Variants in RNF185 observed in about 807,000 individuals in gnomAD.
RNF185 encodes the protein ring finger protein 185.
RNF185 carries 13 observed loss-of-function variants against 24.9 expected under a neutral mutation model. That is an observed-to-expected ratio of 0.52 (90% CI 0.34 to 0.83). The LOEUF (loss-of-function observed/expected upper bound fraction) is 0.83, where lower values mean the gene tolerates loss of function less well. Ranked by LOEUF, RNF185 falls within the 40% of genes least tolerant of loss-of-function variation. The pLI, the probability that RNF185 is intolerant of heterozygous loss-of-function variation, is 0.01. For missense variants in RNF185, 184 were observed against 244.7 expected (o/e 0.75, Z 1.65); for synonymous variants, 79 against 90.3 (o/e 0.88, Z 0.71).
chr22:31,188,571 A>G (rs1279090389), intron 2 of RNF185, among the ~76,000 whole-genome samples: 1 of 152,174 alleles, frequency 6.6e-6, no homozygotes, highest in African/African-American at 2.4e-5. Context: ...TCACACCTGT[A>G]ATCCAAACAC....
chr22:31,184,033 G>A (rs1183844980), intron 1 of RNF185, among the ~76,000 whole-genome samples: 7 of 149,052 alleles, frequency 4.7e-5, no homozygotes, highest in South Asian at 2.1e-4. Flanking sequence ...CCCACCTCCC[G>A]GACGGGGCGG....
rs553931141 is a variant in RNF185 at position 31,197,189 on chromosome 22, C to T, written c.363+199C>T. ...ACTGGAAACATTTTGGTTCTATTTT[C>T]TTTTCCATTTTTCTATAATTATATA... On this transcript the variant is annotated intron_variant, in intron 5 of 6. Transcript: ENST00000326132. 35 of 625,616 alleles carry T rather than the reference C, an allele frequency of 5.6e-5. No individual in the cohort carries two copies. In the East Asian group the frequency reaches 1.2e-3, roughly 21 times the overall value. 38.8% of individuals were successfully genotyped at this position (625,616 alleles called of 1,614,324 possible).
At chr22:31,198,229 C>T (rs2048225454) in intron 5 of RNF185, among the ~76,000 whole-genome samples, 1 of 151,918 alleles carries the variant, frequency 6.6e-6, no homozygotes, top group Admixed American at 6.6e-5. Flanking sequence ...ATTTAGGCTG[C>T]CATTTATCCT....
At chr22:31,185,146 CT>C (rs2048086716) in intron 1 of RNF185, among the ~76,000 whole-genome samples, 1 of 151,954 alleles carries the variant, frequency 6.6e-6, no homozygotes, top group Admixed American at 6.6e-5. Flanking sequence ...GAGAGAAGGT[CT>C]TGGAGCCGAG....
chr22:31,186,280 C>G (rs995618193), intron 1 of RNF185, among the ~76,000 whole-genome samples: 1 of 152,090 alleles, frequency 6.6e-6, no homozygotes, highest in African/African-American at 2.4e-5. Context: ...GCTTCCTATC[C>G]TTTCATAGTT....
intron 1 of RNF185, among the ~76,000 whole-genome samples, chr22:31,162,211 G>A (rs944651664): frequency 1.3e-5 from 2 of 152,196 alleles, no homozygotes; most frequent in South Asian, 2.1e-4. Context: ...ACAAAAGTTA[G>A]GGTTGAGCCA....
At chr22:31,198,423 A>T in intron 5 of RNF185, among the ~76,000 whole-genome samples, 1 of 125,812 alleles carries the variant, frequency 7.9e-6, no homozygotes, top group East Asian at 2.3e-4. Context: ...TTTTGAGATG[A>T]AGTTTCACTC....
chr22:31,195,127 A>AT lies in RNF185; in HGVS notation c.196-337dup, dbSNP rs528409369. On this transcript the variant is annotated intron_variant, in intron 3 of 6. Transcript: ENST00000326132. ...GCCACCATGTCTGGCTAATTTTTGT[A>AT]TTTTTAGTAGAGACGGGGTTTCACC... Among the ~76,000 whole-genome samples, 996 of 151,862 alleles carry AT rather than the reference A, an allele frequency of 6.6e-3. 10 individuals carry two copies. Among genetic ancestry groups the AT allele is most frequent in the African/African-American group, 0.023 (964 of 41,390 alleles).
rs1280699356 is a variant in RNF185 at position 31,180,911 on chromosome 22, CTCTCTGTGTGTGTG to C, written c.-48-6134_-48-6121del. ...TGTATTTTCTAGGCATTTTCTCTCT[CTCTCTGTGTGTGTG>C]TGTGTGTGTGTGTGTGTGTGTGTGT... is the stretch of plus-strand genomic sequence containing the variant. On this transcript the variant is annotated intron_variant, in intron 1 of 6. Coordinates refer to ENST00000326132, the MANE Select transcript of RNF185 (RefSeq NM_152267.4). Among the ~76,000 whole-genome samples, 442 of 124,530 alleles carry C rather than the reference CTCTCTGTGTGTGTG, an allele frequency of 3.5e-3. 2 individuals carry two copies. The highest frequency in any genetic ancestry group is 0.01 in the African/African-American group (344 of 34,180). The allele number at this position is 124,530 out of a possible 152,430, so 81.7% of individuals were successfully genotyped here.
chr22:31,206,104 G>A lies in RNF185; in HGVS notation c.*1518G>A, dbSNP rs370647763. The A allele has an allele frequency of 5.0e-4, 77 of 154,664 alleles. No individual in the cohort carries two copies. The highest frequency in any genetic ancestry group is 1.9e-3 in the African/African-American group (77 of 41,574). 9.6% of individuals were successfully genotyped at this position (154,664 alleles called of 1,614,324 possible). A position where few individuals can be genotyped will look rare whatever the true frequency, so the allele number is the denominator to read the frequency against. On this transcript the variant is annotated 3_prime_UTR_variant, in exon 7 of 7. Transcript: ENST00000326132. Reference sequence around the variant, plus strand: ...CTAACCCCAGCAATAACCAACAAATGGTAGGAAGCCCCATCTATTGCTTTT... The same window carrying A: ...CTAACCCCAGCAATAACCAACAAATAGTAGGAAGCCCCATCTATTGCTTTT...
rs576195297 is a variant in RNF185 at position 31,190,277 on chromosome 22, G to A, written c.177-2407G>A. Among the ~76,000 whole-genome samples the A allele has an allele frequency of 2.0e-5, 3 of 152,122 alleles. No individual in the cohort carries two copies. The South Asian group carries it at 6.2e-4, about 32-fold the overall frequency. On this transcript the variant is annotated intron_variant, in intron 2 of 6. Transcript: ENST00000326132. ...TACCTTTTCTGTGTTAGGTATGTTGGATTTTTTGTTTGTTTGTTTGTTGTT... is the reference window on the plus strand; with the variant it reads ...TACCTTTTCTGTGTTAGGTATGTTGAATTTTTTGTTTGTTTGTTTGTTGTT...
chr22:31,186,619 T>C (rs1273025294), intron 1 of RNF185, among the ~76,000 whole-genome samples: 3 of 152,124 alleles, frequency 2.0e-5, no homozygotes, highest in Non-Finnish European at 4.4e-5. Context: ...TATATATATA[T>C]GTTCTGGCAT....
At chr22:31,184,472 T>C (rs1441067834) in intron 1 of RNF185, among the ~76,000 whole-genome samples, 1 of 147,648 alleles carries the variant, frequency 6.8e-6, no homozygotes, top group Non-Finnish European at 1.5e-5. Flanking sequence ...TCCCAGACGA[T>C]GGGCGGCCAG....
chr22:31,182,428 T>C (rs1279177719), intron 1 of RNF185, among the ~76,000 whole-genome samples: 1 of 151,828 alleles, frequency 6.6e-6, no homozygotes, highest in Non-Finnish European at 1.5e-5. Flanking sequence ...GCTGGGACCA[T>C]AGACATGCAC....
At chr22:31,194,013 C>T (rs1172049269) in intron 3 of RNF185, among the ~76,000 whole-genome samples, 1 of 150,814 alleles carries the variant, frequency 6.6e-6, no homozygotes, top group Non-Finnish European at 1.5e-5. Flanking sequence ...GTGCCTCAGC[C>T]TCCTGGGTAG....
At chr22:31,195,248 G>T (rs1006900246) in intron 3 of RNF185, among the ~76,000 whole-genome samples, 1 of 152,112 alleles carries the variant, frequency 6.6e-6, no homozygotes, top group African/African-American at 2.4e-5. Flanking sequence ...CACCGCACCC[G>T]GCCAATTATG....
intron 1 of RNF185, among the ~76,000 whole-genome samples, chr22:31,184,995 TA>T (rs897652024): frequency 1.3e-5 from 2 of 149,900 alleles, no homozygotes; most frequent in African/African-American, 4.9e-5. Flanking sequence ...TTTTTTTTTT[TA>T]AAAAGAAACA....
At chr22:31,164,242 A>G (rs532696211) in intron 1 of RNF185, among the ~76,000 whole-genome samples, 39 of 152,218 alleles carry the variant, frequency 2.6e-4, no homozygotes, top group Admixed American at 1.4e-3. Context: ...TGGCATCCCA[A>G]AGTGCTGGGA....
intron 1 of RNF185, among the ~76,000 whole-genome samples, chr22:31,175,810 A>G (rs2047977064): frequency 1.3e-5 from 2 of 152,188 alleles, no homozygotes; most frequent in African/African-American, 4.8e-5. Flanking sequence ...AAAATTGTTA[A>G]AATTTCTGAG....
Sources: gnomAD v4.1 joint callset for allele counts (sites outside exome capture counted in the v4.1 genomes callset) on GRCh38, gnomAD v4.1.1 for gene constraint, MANE v1.5 for transcripts, NCBI Gene and HGNC (gene_info 2026-07-23, HGNC 2026-07-21) for gene names.